MAPK8IP3: variants seen among roughly 807,000 people sequenced by gnomAD.
The protein encoded by MAPK8IP3 is C-Jun-amino-terminal kinase-interacting protein 3.
Under a neutral mutation model 157.8 loss-of-function variants are expected in MAPK8IP3, and 49 were observed. The ratio of observed to expected loss-of-function variants is 0.31; its 90% confidence interval spans 0.25 to 0.39. The LOEUF is 0.39. Among genes scored for constraint, MAPK8IP3 ranks in the 10% least tolerant of loss-of-function variants. MAPK8IP3 has a pLI of 1.00. For synonymous variants in MAPK8IP3, 897 were observed against 777.7 expected (o/e 1.15, Z -2.55); for missense variants, 1,478 against 1,889.4 (o/e 0.78, Z 4.04).
At chr16:1,725,331 TAAA>T (rs148914770) in intron 2 of MAPK8IP3, among the ~76,000 whole-genome samples, 4 of 137,284 alleles carry the variant, frequency 2.9e-5, no homozygotes, top group Admixed American at 7.3e-5. Context: ...CCTCATCTCT[TAAA>T]AAAAAAAAAA....
In MAPK8IP3 at chr16:1,759,963, G is replaced by A; in HGVS notation, c.1252G>A (p.Gly418Ser). The A allele has an allele frequency of 3.1e-6, 5 of 1,614,184 alleles. No individual in the cohort carries two copies. The highest frequency in any genetic ancestry group is 4.2e-6 in the Non-Finnish European group (5 of 1,180,014). The change falls in exon 11 of 32, where the codon GGC becomes AGC. Residue 418 changes from glycine to serine, a missense_variant. Physicochemically the swap from Gly to Ser is moderately conservative, Grantham distance 56. Coordinates refer to ENST00000610761, the MANE Select transcript of MAPK8IP3 (RefSeq NM_001318852.2). ...CTCCGCACCTTCTGTTTCAGGAATG[G>A]GCAAAGAAGTGGGGAATCTGCTACT... ...FSVRDDFFGM[G>S]KEVGNLLLEN...
chr16:1,760,362 C>G lies in MAPK8IP3; in HGVS notation c.1305-18C>G. On this transcript the variant is annotated intron_variant, in intron 11 of 31. Coordinates refer to ENST00000610761, the MANE Select transcript of MAPK8IP3 (RefSeq NM_001318852.2). Reference sequence around the variant, plus strand: ...TATGCCGCGCCCGTGGCACTCCCATCTTTCTGCTTTTTCAAAGAAACGCCT... The same window carrying G: ...TATGCCGCGCCCGTGGCACTCCCATGTTTCTGCTTTTTCAAAGAAACGCCT... The G allele has an allele frequency of 6.2e-7, 1 of 1,603,098 alleles. No individual in the cohort carries two copies. Among genetic ancestry groups the G allele is most frequent in the Non-Finnish European group, 8.5e-7 (1 of 1,171,998 alleles).
intron 1 of MAPK8IP3, among the ~76,000 whole-genome samples, chr16:1,721,053 C>T (rs1314952443): frequency 6.7e-6 from 1 of 149,262 alleles, no homozygotes; most frequent in African/African-American, 2.5e-5. Context: ...AAAAACAAAA[C>T]AAGGCTGGGC....
At position 1,748,638 on chromosome 16, in the gene MAPK8IP3, C is replaced by A. The variant is rs778814141; in HGVS notation, c.1134C>A (p.Ile378=). 2 of 1,614,060 alleles carry A rather than the reference C, an allele frequency of 1.2e-6. No homozygotes were observed. The highest frequency in any genetic ancestry group is 1.7e-6 in the Non-Finnish European group (2 of 1,180,052). ...GCATCGTGAACAAAGCTTTCGGCATCAACACCGACTCCCTGTACCATGAGC... is the reference window on the plus strand; with the variant it reads ...GCATCGTGAACAAAGCTTTCGGCATAAACACCGACTCCCTGTACCATGAGC... The part of the protein sequence containing the change: ...TQGIVNKAFG[I]NTDSLYHELS... Residue 378 remains isoleucine, a synonymous_variant, in exon 8 of 32, where the codon ATC becomes ATA. Transcript: ENST00000610761.
intron 8 of MAPK8IP3, among the ~76,000 whole-genome samples, chr16:1,749,818 G>C (rs1238246108): frequency 6.6e-6 from 1 of 152,224 alleles, no homozygotes; most frequent in Non-Finnish European, 1.5e-5. Flanking sequence ...GACCTCCAGG[G>C]AGCAGAGTAA....
intron 6 of MAPK8IP3, 50 bp downstream of exon 6, chr16:1,747,325 C>G: frequency 1.9e-6 from 3 of 1,594,844 alleles, no homozygotes; most frequent in Non-Finnish European, 2.6e-6. Context: ...GGAGGCAGGG[C>G]TTGGTTTGGG....
Position 1,724,700 on chromosome 16 carries a change from G to A in MAPK8IP3, c.439+23G>A, listed in dbSNP as rs201772349. ...AGAGTAAGTGGCTGGCGGGAGCCTG[G>A]AGGCGCGCTTGATGGGCGCTGCTCT... On this transcript the variant is annotated intron_variant, in intron 2 of 31. Transcript: ENST00000610761. This position sits in a 1 kb window ranked among gnomAD's most constrained non-coding sequence, Gnocchi z 4.1. 4 of 1,605,578 alleles carry A rather than the reference G, an allele frequency of 2.5e-6. 1 individual carries two copies. In the South Asian group the frequency reaches 4.4e-5, roughly 18 times the overall value.
chr16:1,752,933 G>T (rs1459852808), intron 8 of MAPK8IP3, among the ~76,000 whole-genome samples: 2 of 152,164 alleles, frequency 1.3e-5, no homozygotes, highest in African/African-American at 2.4e-5. Flanking sequence ...CTCGCCCCAT[G>T]TCCAGCTCAG....
intron 1 of MAPK8IP3, among the ~76,000 whole-genome samples, chr16:1,711,836 A>G (rs1395140213): frequency 6.6e-6 from 1 of 151,678 alleles, no homozygotes; most frequent in Non-Finnish European, 1.5e-5. Flanking sequence ...GCTACTTGGA[A>G]GGCTGAAGCA....
At position 1,766,635 on chromosome 16, in the gene MAPK8IP3, G is replaced by T. The variant is rs1178660416; in HGVS notation, c.2926G>T (p.Ala976Ser). The T allele has an allele frequency of 3.1e-6, 5 of 1,612,434 alleles. No individual in the cohort carries two copies. The highest frequency in any genetic ancestry group is 4.2e-6 in the Non-Finnish European group (5 of 1,179,842). ...TGCTGCACCCACCATGTGGCTGGGA[G>T]CCCAGAACGGCTGGTAGGAAGGGCC... The part of the protein sequence containing the change: ...SSAAPTMWLG[A>S]QNGWLYVHSA... Residue 976 changes from alanine to serine, a missense_variant, in exon 23 of 32, where the codon GCC becomes TCC. Ala to Ser is a moderately conservative substitution (Grantham distance 99). Transcript: ENST00000610761.
chr16:1,738,173 C>T (rs1444953374), intron 4 of MAPK8IP3, among the ~76,000 whole-genome samples: 2 of 72,038 alleles, frequency 2.8e-5, no homozygotes, highest in Admixed American at 1.9e-4. Flanking sequence ...TGTGACCGTC[C>T]GTGTGAGCGT....
At chr16:1,720,247 GCTGGT>G (rs1273135669) in intron 1 of MAPK8IP3, among the ~76,000 whole-genome samples, 1 of 152,196 alleles carries the variant, frequency 6.6e-6, no homozygotes, top group Non-Finnish European at 1.5e-5. Context: ...TGTTGGCCAG[GCTGGT>G]CTTGAACTCC....
intron 8 of MAPK8IP3, 47 bp downstream of exon 8, chr16:1,748,767 G>C: frequency 6.7e-7 from 1 of 1,500,106 alleles, no homozygotes; most frequent in Non-Finnish European, 9.3e-7. Context: ...ACAATGCTGG[G>C]GCTTTCTGCT....
At chr16:1,732,895 A>AC (rs1280311336) in intron 4 of MAPK8IP3, among the ~76,000 whole-genome samples, 2 of 152,206 alleles carry the variant, frequency 1.3e-5, no homozygotes, top group Non-Finnish European at 2.9e-5. Flanking sequence ...CATGAGAACT[A>AC]CACCGGGGCG....
intron 4 of MAPK8IP3, among the ~76,000 whole-genome samples, chr16:1,737,280 G>A (rs554691650): frequency 0.017 from 1,691 of 102,346 alleles, 91 homozygotes; most frequent in African/African-American, 0.049. Context: ...GTGAGCGTCC[G>A]TGTGAGTGTG....
chr16:1,724,711 G>A lies in MAPK8IP3; in HGVS notation c.439+34G>A, dbSNP rs767553512. 6.2e-7 allele frequency: 1 copy of A among 1,603,322 alleles called. No individual in the cohort carries two copies. The highest frequency in any genetic ancestry group is 8.5e-7 in the Non-Finnish European group (1 of 1,173,808). ...CTGGCGGGAGCCTGGAGGCGCGCTT[G>A]ATGGGCGCTGCTCTGGGACGGCTCT... On this transcript the variant is annotated intron_variant, in intron 2 of 31. Transcript: ENST00000610761. The surrounding 1 kb of genome is among the most constrained non-coding windows in gnomAD (Gnocchi z 4.1).
intron 1 of MAPK8IP3, among the ~76,000 whole-genome samples, chr16:1,722,766 G>A (rs1227043430): frequency 6.6e-6 from 1 of 152,050 alleles, no homozygotes. Context: ...GTGCGGTGGC[G>A]CTATCTTGGC....
intron 8 of MAPK8IP3, among the ~76,000 whole-genome samples, chr16:1,756,010 A>G (rs1423841607): frequency 6.6e-6 from 1 of 152,224 alleles, no homozygotes; most frequent in Non-Finnish European, 1.5e-5. Context: ...ACTAGGGTGG[A>G]GCAGGTGCTG....
intron 4 of MAPK8IP3, among the ~76,000 whole-genome samples, chr16:1,737,243 T>C (rs2040016819): frequency 1.1e-5 from 1 of 89,802 alleles, no homozygotes; most frequent in African/African-American, 5.3e-5. Flanking sequence ...AGCATCCGTG[T>C]GACCGTGTGA....
Sources: gnomAD v4.1 joint callset for allele counts (sites outside exome capture counted in the v4.1 genomes callset) on GRCh38, gnomAD v4.1.1 for gene constraint, Gnocchi (gnomAD v3.1) non-coding constraint, MANE v1.5 for transcripts, NCBI Gene and HGNC (gene_info 2026-07-23, HGNC 2026-07-21) for gene names.